Variants in LGALSL observed in about 807,000 individuals in gnomAD.
LGALSL encodes galectin like.
In LGALSL, 13 loss-of-function variants were observed where a neutral mutation model predicts 19.5. The observed-to-expected ratio is 0.67, with a 90% CI of 0.43 to 1.06. The LOEUF (loss-of-function observed/expected upper bound fraction) is 1.06, where lower values mean the gene tolerates loss of function less well. Among genes scored for constraint, LGALSL ranks in the 50% least tolerant of loss-of-function variants. The pLI is 0.00. For synonymous variants in LGALSL, 86 were observed against 78.3 expected, an observed-to-expected ratio of 1.10 and a Z score of -0.52; for missense variants, 189 against 219.3, an observed-to-expected ratio of 0.86 and a Z score of 0.87.
chr2:64,456,543 C>A, intron 4 of LGALSL, 78 bp downstream of exon 4: 1 of 1,174,898 alleles, frequency 8.5e-7, no homozygotes. Context: ...GCCAAGAACA[C>A]TTGAAGCAGC....
At chr2:64,455,914 A>G (rs547438900) in intron 3 of LGALSL, among the ~76,000 whole-genome samples, 2 of 140,362 alleles carry the variant, frequency 1.4e-5, no homozygotes, top group African/African-American at 5.5e-5. Context: ...TTTGACCCTT[A>G]GGGAGGCCAG....
rs1447916579 is a variant in LGALSL, at chr2:64,459,200, T to C, written c.*772T>C. The C allele has an allele frequency of 6.6e-6, 1 of 152,236 alleles. No individual in the cohort carries two copies. Among genetic ancestry groups the C allele is most frequent in the Non-Finnish European group, 1.5e-5 (1 of 68,044 alleles). The allele number at this position is 152,236 out of a possible 1,614,324, so 9.4% of individuals were successfully genotyped here. A position where few individuals can be genotyped will look rare whatever the true frequency, so the allele number is the denominator to read the frequency against. On this transcript the variant is annotated 3_prime_UTR_variant, in exon 5 of 5. Transcript: ENST00000238875. ...CTTTGCAAAACCATTTTGATAAAAC[T>C]GCTTTCCAAGTTATTGTTGGTTATG...
In LGALSL at chr2:64,460,607, T is replaced by G. The variant is rs780070642; in HGVS notation, c.*2179T>G. The G allele has an allele frequency of 2.6e-5, 4 of 152,234 alleles. No individual in the cohort carries two copies. Among genetic ancestry groups the G allele is most frequent in the Non-Finnish European group, 4.4e-5 (3 of 68,044 alleles). 9.4% of individuals were successfully genotyped at this position (152,234 alleles called of 1,614,324 possible). A position where few individuals can be genotyped will look rare whatever the true frequency, so the allele number is the denominator to read the frequency against. On this transcript the variant is annotated 3_prime_UTR_variant, in exon 5 of 5. Transcript: ENST00000238875. ...GGCAGCTTAGTGTGAAAATACAATG[T>G]TAACTGTTTGTTTCTCTGTGAGGTT...
In LGALSL at chr2:64,458,407, C is replaced by T; in HGVS notation, c.498C>T (p.Leu166=). The T allele has an allele frequency of 6.2e-7, 1 of 1,613,280 alleles. No individual in the cohort carries two copies. Among genetic ancestry groups the T allele is most frequent in the Non-Finnish European group, 8.5e-7 (1 of 1,179,660 alleles). The change falls in exon 5 of 5, where the codon CTC becomes CTT. Residue 166 remains leucine, a synonymous_variant. Transcript: ENST00000238875. ...AIDTIKINGD[L]QITKLG is the part of the protein sequence containing the mutation. ...ACACCATAAAGATAAATGGAGACCT[C>T]CAGATCACCAAGCTTGGCTGATTTA... is the stretch of plus-strand genomic sequence containing the variant.
chr2:64,454,465 CG>C lies in LGALSL; in HGVS notation c.-80del. On this transcript the variant is annotated 5_prime_UTR_variant, in exon 1 of 5. Coordinates refer to ENST00000238875, the MANE Select transcript of LGALSL (RefSeq NM_014181.3). This position sits in a 1 kb window ranked among gnomAD's most constrained non-coding sequence, Gnocchi z 5.1. The stretch of plus-strand genomic sequence containing the variant: ...CGCCGCCAGCTCGGACCCGCGCCCC[CG>C]CCCCCGCCCCGCGCAGGACAGCCCC... 1 of 776,738 alleles carries C rather than the reference CG, an allele frequency of 1.3e-6. No individual in the cohort carries two copies. The highest frequency in any genetic ancestry group is 1.7e-6 in the Non-Finnish European group (1 of 599,418). 48.1% of individuals were successfully genotyped at this position (776,738 alleles called of 1,614,324 possible). A position where few individuals can be genotyped will look rare whatever the true frequency, so the allele number is the denominator to read the frequency against.
chr2:64,455,776 A>G, intron 3 of LGALSL, 99 bp downstream of exon 3: 1 of 851,686 alleles, frequency 1.2e-6, no homozygotes, highest in Non-Finnish European at 2.0e-6. Flanking sequence ...CCTTGTGGAC[A>G]GTGTTGCTAG....
intron 4 of LGALSL, 79 bp downstream of exon 4, chr2:64,456,544 T>A: frequency 1.7e-6 from 2 of 1,182,274 alleles, no homozygotes; most frequent in Non-Finnish European, 1.1e-6. Flanking sequence ...CCAAGAACAC[T>A]TGAAGCAGCC....
chr2:64,458,192 A>G (rs1217072663), intron 4 of LGALSL, 93 bp from the exon 5 acceptor site: 1 of 1,195,064 alleles, frequency 8.4e-7, no homozygotes, highest in African/African-American at 1.5e-5. Context: ...TGAACCACTG[A>G]AGATACTGCC....
intron 4 of LGALSL, among the ~76,000 whole-genome samples, chr2:64,456,730 T>C (rs1383590629): frequency 6.6e-6 from 1 of 152,256 alleles, no homozygotes; most frequent in Non-Finnish European, 1.5e-5. Flanking sequence ...AAGTAACTTT[T>C]CTATGTAGTA....
At position 64,458,438 on chromosome 2, in the gene LGALSL, C is replaced by A; in HGVS notation, c.*10C>A. On this transcript the variant is annotated 3_prime_UTR_variant, in exon 5 of 5. Coordinates refer to ENST00000238875, the MANE Select transcript of LGALSL (RefSeq NM_014181.3). ...CACCAAGCTTGGCTGATTTAAACCA[C>A]CTCTATTTCAAATAGGATCACGTGC... is the stretch of plus-strand genomic sequence containing the variant. 6.2e-7 allele frequency: 1 copy of A among 1,609,680 alleles called. No homozygotes were observed. The highest frequency in any genetic ancestry group is 8.5e-7 in the Non-Finnish European group (1 of 1,177,282).
Position 64,455,745 on chromosome 2 carries a change from G to T in LGALSL, c.197+68G>T. The T allele has an allele frequency of 2.6e-6, 3 of 1,132,186 alleles. No individual in the cohort carries two copies. The South Asian group carries it at 3.7e-5, about 14-fold the overall frequency. 70.1% of individuals were successfully genotyped at this position (1,132,186 alleles called of 1,614,324 possible). A position where few individuals can be genotyped will look rare whatever the true frequency, so the allele number is the denominator to read the frequency against. ...CTGAGCCCTGCCCACTTCTGTTGTG[G>T]TTTAGCACTCCTCTTCCTCTCCTTG... On this transcript the variant is annotated intron_variant, in intron 3 of 4. Coordinates refer to ENST00000238875, the MANE Select transcript of LGALSL (RefSeq NM_014181.3).
At chr2:64,457,253 C>A (rs1158693078) in intron 4 of LGALSL, among the ~76,000 whole-genome samples, 2 of 150,238 alleles carry the variant, frequency 1.3e-5, no homozygotes, top group Admixed American at 6.6e-5. Context: ...CAGCAAAAAC[C>A]CTGCCTTTAA....
rs770942247 is a variant in LGALSL, at chr2:64,455,411, G to C, written c.104G>C (p.Arg35Pro). 1.7e-5 allele frequency: 27 copies of C among 1,611,828 alleles called. No individual in the cohort carries two copies. Among genetic ancestry groups the C allele is most frequent in the Non-Finnish European group, 2.3e-5 (27 of 1,178,034 alleles). The change falls in exon 2 of 5, where the codon CGA becomes CCA. Residue 35 changes from arginine (R) to proline (P), a missense_variant. Coordinates refer to ENST00000238875, the MANE Select transcript of LGALSL (RefSeq NM_014181.3). ...SPVQADVYFP[R>P]LIVPFCGHIK... ...GTTCAAGCGGACGTGTACTTCCCAC[G>C]ACTGGTAAATGATTTTGCTCTGTGT...
At position 64,454,549 on chromosome 2, in the gene LGALSL, G is replaced by T. The variant is rs1686698501; in HGVS notation, c.4G>T (p.Ala2Ser). The T allele has an allele frequency of 6.9e-7, 1 of 1,448,016 alleles. No individual in the cohort carries two copies. 89.7% of individuals were successfully genotyped at this position (1,448,016 alleles called of 1,614,324 possible). A position where few individuals can be genotyped will look rare whatever the true frequency, so the allele number is the denominator to read the frequency against. Residue 2 changes from alanine to serine, a missense_variant, in exon 1 of 5, where the codon GCG becomes TCG. By Grantham distance (99) the Ala-to-Ser change is moderately conservative. This residue lies in a region of LGALSL where 62 missense variants were observed against 49.0 expected (regional missense o/e 1.27). Transcript: ENST00000238875. The surrounding 1 kb of genome is among the most constrained non-coding windows in gnomAD (Gnocchi z 5.1). M[A>S]GSVADSDAVV... is the part of the protein sequence containing the mutation. ...CCCCGCCGCGCCGGGCAAGAAGATGGCGGGATCAGTGGCCGACAGCGATGC... is the reference window on the plus strand; with the variant it reads ...CCCCGCCGCGCCGGGCAAGAAGATGTCGGGATCAGTGGCCGACAGCGATGC...
chr2:64,454,680 C>A lies in LGALSL; in HGVS notation c.36+99C>A. The A allele has an allele frequency of 4.4e-6, 4 of 903,576 alleles. No homozygotes were observed. Among genetic ancestry groups the A allele is most frequent in the Non-Finnish European group, 4.3e-6 (3 of 697,304 alleles). 56.0% of individuals were successfully genotyped at this position (903,576 alleles called of 1,614,324 possible). On this transcript the variant is annotated intron_variant, in intron 1 of 4. Transcript: ENST00000238875. The surrounding 1 kb of genome is among the most constrained non-coding windows in gnomAD (Gnocchi z 5.1). Reference sequence around the variant, plus strand: ...GCTGGGGTGCTGAGCAGCCGCAGGCCCGGCCGGCGCCCGGCGCGTGGGAAG... The same window carrying A: ...GCTGGGGTGCTGAGCAGCCGCAGGCACGGCCGGCGCCCGGCGCGTGGGAAG...
chr2:64,458,212 C>G (rs1686766785), intron 4 of LGALSL, 73 bp from the exon 5 acceptor site: 3 of 1,399,666 alleles, frequency 2.1e-6, no homozygotes, highest in Non-Finnish European at 3.0e-6. Context: ...CTTTCTTTCT[C>G]TAAAATGAAG....
In LGALSL at chr2:64,458,390, A is replaced by G; in HGVS notation, c.481A>G (p.Lys161Glu). 6.2e-7 allele frequency: 1 copy of G among 1,613,996 alleles called. No homozygotes were observed. ...AACGTTATCTGCAATTGACACCATA[A>G]AGATAAATGGAGACCTCCAGATCAC... ...IQTLSAIDTIKINGDLQITKL... is the reference protein window; with the variant it reads ...IQTLSAIDTIEINGDLQITKL... The change falls in exon 5 of 5, where the codon AAG (lysine) becomes GAG (glutamate). Residue 161 changes from lysine (K) to glutamate (E), a missense_variant. Around this residue, in one of 3 missense-constraint regions of LGALSL, gnomAD observed 106 missense variants for 119.3 expected, o/e 0.89. Coordinates refer to ENST00000238875, the MANE Select transcript of LGALSL (RefSeq NM_014181.3).
intron 4 of LGALSL, among the ~76,000 whole-genome samples, chr2:64,456,798 A>T (rs1489891831): frequency 6.6e-6 from 1 of 152,218 alleles, no homozygotes; most frequent in Non-Finnish European, 1.5e-5. Flanking sequence ...AATACTAAGT[A>T]CCCACTTATT....
chr2:64,454,315 G>A lies in LGALSL; in HGVS notation c.-231G>A. 1 of 394,198 alleles carries A rather than the reference G, an allele frequency of 2.5e-6. No individual in the cohort carries two copies. Among genetic ancestry groups the A allele is most frequent in the Non-Finnish European group, 4.5e-6 (1 of 223,300 alleles). The allele number at this position is 394,198 out of a possible 1,614,324, so 24.4% of individuals were successfully genotyped here. A position where few individuals can be genotyped will look rare whatever the true frequency, so the allele number is the denominator to read the frequency against. ...GGGTCCGGGGCCGTTCTGGGCCGCG[G>A]CAAGCACCTTCGCCCTCCCAGCTCG... On this transcript the variant is annotated 5_prime_UTR_variant, in exon 1 of 5. Coordinates refer to ENST00000238875, the MANE Select transcript of LGALSL (RefSeq NM_014181.3). The surrounding 1 kb of genome is among the most constrained non-coding windows in gnomAD (Gnocchi z 5.1).
Sources: gnomAD v4.1 joint callset for allele counts (sites outside exome capture counted in the v4.1 genomes callset) on GRCh38, gnomAD v4.1.1 for gene constraint, gnomAD v4.1.1 regional missense constraint, Gnocchi (gnomAD v3.1) non-coding constraint, MANE v1.5 for transcripts, NCBI Gene and HGNC (gene_info 2026-07-23, HGNC 2026-07-21) for gene names.